The following KHDC1 variants were observed in gnomAD, a reference collection of about 807,000 sequenced individuals.
The protein encoded by KHDC1 is KH homology domain-containing protein 1.
Under a neutral mutation model 24.7 loss-of-function variants are expected in KHDC1, and 21 were observed. The observed-to-expected ratio is 0.85, with a 90% confidence interval of 0.60 to 1.23. The LOEUF (loss-of-function observed/expected upper bound fraction) is 1.23, where lower values mean the gene tolerates loss of function less well. Ranked by LOEUF, KHDC1 falls within the 50% of genes most tolerant of loss-of-function variation. The pLI is 0.00. For missense variants in KHDC1, 274 were observed against 298.5 expected, an observed-to-expected ratio of 0.92 and a Z score of 0.61; for synonymous variants, 98 against 111.7, an observed-to-expected ratio of 0.88 and a Z score of 0.77.
intron 2 of KHDC1, among the ~76,000 whole-genome samples, chr6:73,283,743 T>A (rs1767461323): frequency 6.6e-6 from 1 of 150,794 alleles, no homozygotes; most frequent in African/African-American, 2.4e-5. Context: ...CAGGTTCAAA[T>A]TTTTGTATTT....
intron 1 of KHDC1, among the ~76,000 whole-genome samples, chr6:73,296,450 C>CA (rs992586835): frequency 6.6e-6 from 1 of 150,710 alleles, no homozygotes; most frequent in Non-Finnish European, 1.5e-5. Context: ...GAGACTCCAT[C>CA]AAAAAAAAAT....
intron 2 of KHDC1, among the ~76,000 whole-genome samples, chr6:73,257,977 A>G (rs915153216): frequency 3.9e-5 from 6 of 152,128 alleles, no homozygotes; most frequent in African/African-American, 1.4e-4. Flanking sequence ...AAATTGTGCC[A>G]GGCACAGTGG....
At chr6:73,305,861 G>T (rs1327822796) in intron 1 of KHDC1, among the ~76,000 whole-genome samples, 3 of 152,060 alleles carry the variant, frequency 2.0e-5, no homozygotes, top group Non-Finnish European at 4.4e-5. Context: ...GGTTCACCAT[G>T]TTGGCCAGGA....
chr6:73,285,059 A>C (rs897502717), intron 2 of KHDC1, among the ~76,000 whole-genome samples: 1 of 151,858 alleles, frequency 6.6e-6, no homozygotes, highest in African/African-American at 2.4e-5. Context: ...TGGCCAGGCT[A>C]GTCTCGAACT....
intron 2 of KHDC1, among the ~76,000 whole-genome samples, chr6:73,254,412 G>A (rs1269460060): frequency 1.3e-5 from 2 of 151,776 alleles, no homozygotes; most frequent in African/African-American, 2.4e-5. Flanking sequence ...AGTGAGCTGA[G>A]ACTGGGCCAC....
chr6:73,284,947 C>T (rs1167613058), intron 2 of KHDC1, among the ~76,000 whole-genome samples: 3 of 151,958 alleles, frequency 2.0e-5, no homozygotes, highest in Non-Finnish European at 4.4e-5. Context: ...TGGGTTCAAG[C>T]GATTCTCCTG....
intron 2 of KHDC1, chr6:73,290,985 A>G (rs1767640264): frequency 2.8e-6 from 1 of 354,998 alleles, no homozygotes; most frequent in Non-Finnish European, 5.6e-6. Context: ...TCCCATGATC[A>G]TGCCTGATCT....
exon 3 of KHDC1, chr6:73,242,428 C>T: frequency 3.1e-6 from 5 of 1,614,172 alleles, no homozygotes; most frequent in Non-Finnish European, 3.4e-6. Context: ...CCTCCTGGTC[C>T]TCTTCCATGT....
intron 2 of KHDC1, among the ~76,000 whole-genome samples, chr6:73,253,504 G>C (rs1464402299): frequency 6.6e-6 from 1 of 151,780 alleles, no homozygotes; most frequent in Non-Finnish European, 1.5e-5. Flanking sequence ...AGTGAGCCAA[G>C]ATAGCACCAC....
At chr6:73,296,415 T>A (rs767463626) in intron 1 of KHDC1, among the ~76,000 whole-genome samples, 2 of 152,108 alleles carry the variant, frequency 1.3e-5, no homozygotes, top group African/African-American at 2.4e-5. Flanking sequence ...ATCATGCCAC[T>A]GCACTGTAGC....
chr6:73,257,961 A>G (rs1325317630), intron 2 of KHDC1, among the ~76,000 whole-genome samples: 1 of 152,138 alleles, frequency 6.6e-6, no homozygotes, highest in Non-Finnish European at 1.5e-5. Context: ...TTTTTAAAAT[A>G]AAAATAAATT....
At chr6:73,297,854 T>C (rs1007733513) in intron 1 of KHDC1, among the ~76,000 whole-genome samples, 2 of 152,158 alleles carry the variant, frequency 1.3e-5, no homozygotes, top group Non-Finnish European at 2.9e-5. Context: ...AACTTGAGTC[T>C]TCAAGGTTTA....
intron 2 of KHDC1, among the ~76,000 whole-genome samples, chr6:73,287,212 G>C (rs1394171361): frequency 6.6e-6 from 1 of 152,134 alleles, no homozygotes; most frequent in Non-Finnish European, 1.5e-5. Flanking sequence ...TCTTCTCTGA[G>C]AGCCGGGACT....
intron 1 of KHDC1, among the ~76,000 whole-genome samples, chr6:73,298,688 C>A (rs1767808939): frequency 6.6e-6 from 1 of 151,778 alleles, no homozygotes; most frequent in South Asian, 2.1e-4. Context: ...CTGCCTCGGC[C>A]TTGCAAAGTG....
At chr6:73,271,086 G>T (rs1028778164) in intron 2 of KHDC1, among the ~76,000 whole-genome samples, 1 of 152,150 alleles carries the variant, frequency 6.6e-6, no homozygotes, top group African/African-American at 2.4e-5. Flanking sequence ...ACCCATTAGA[G>T]AATGGTGAAA....
chr6:73,285,871 AG>A (rs1392613005), intron 2 of KHDC1, among the ~76,000 whole-genome samples: 1 of 152,172 alleles, frequency 6.6e-6, no homozygotes, highest in Non-Finnish European at 1.5e-5. Flanking sequence ...AACTGATCAA[AG>A]TTAGCCACCA....
Position 73,267,103 on chromosome 6 carries a change from A to G in KHDC1, c.207-24573T>C, listed in dbSNP as rs551865695. Among the ~76,000 whole-genome samples, 3 of 152,334 alleles carry G rather than the reference A, an allele frequency of 2.0e-5. No individual in the cohort carries two copies. In the East Asian group the frequency reaches 5.8e-4, roughly 29 times the overall value. On this transcript the variant is annotated intron_variant, in intron 2 of 4. Coordinates refer to ENST00000370384, the Ensembl canonical transcript of KHDC1. ...AAATGGCCAATAAGAACATGAAAAG[A>G]TGTTCAACATCACTAGTCATTAGGG...
intron 2 of KHDC1, among the ~76,000 whole-genome samples, chr6:73,272,052 G>A (rs913774180): frequency 3.3e-5 from 5 of 151,082 alleles, no homozygotes; most frequent in Non-Finnish European, 5.9e-5. Flanking sequence ...AGTGTTGACT[G>A]TCAACACCAG....
intron 2 of KHDC1, among the ~76,000 whole-genome samples, chr6:73,279,641 G>A (rs1003480795): frequency 1.4e-4 from 20 of 146,652 alleles, no homozygotes; most frequent in Middle Eastern, 3.5e-3. Flanking sequence ...GAGTGCAGTG[G>A]CGAACATGGC....
Sources: gnomAD v4.1 joint callset for allele counts (sites outside exome capture counted in the v4.1 genomes callset) on GRCh38, gnomAD v4.1.1 for gene constraint, MANE v1.5 for transcripts, NCBI Gene and HGNC (gene_info 2026-07-23, HGNC 2026-07-21) for gene names.